ABTB3: variants seen among roughly 807,000 people sequenced by gnomAD.
ABTB3 encodes ankyrin repeat- and BTB/POZ domain-containing protein 3.
the ABTB3 span, among the ~76,000 whole-genome samples, chr12:107,385,035 G>T: frequency 6.6e-6 from 1 of 152,230 alleles, no homozygotes; most frequent in African/African-American, 2.4e-5. Context: ...CTAGGGCTTA[G>T]TTCAGCACTT....
chr12:107,390,612 CAG>C, the ABTB3 span, among the ~76,000 whole-genome samples: 1 of 152,162 alleles, frequency 6.6e-6, no homozygotes, highest in Non-Finnish European at 1.5e-5. Context: ...AGGGATAAGA[CAG>C]GTAAACAGGA....
the ABTB3 span, among the ~76,000 whole-genome samples, chr12:107,573,984 C>T: frequency 6.6e-6 from 1 of 152,188 alleles, no homozygotes; most frequent in Non-Finnish European, 1.5e-5. Flanking sequence ...CACAAGGTGT[C>T]TTTCTCGAGT....
At chr12:107,399,800 A>T in the ABTB3 span, among the ~76,000 whole-genome samples, 1 of 152,072 alleles carries the variant, frequency 6.6e-6, no homozygotes, top group Non-Finnish European at 1.5e-5. Flanking sequence ...TAAGCCCCAC[A>T]TGCATTAGGT....
the ABTB3 span, among the ~76,000 whole-genome samples, chr12:107,431,899 G>C: frequency 2.0e-5 from 3 of 152,204 alleles, no homozygotes; most frequent in African/African-American, 4.8e-5. Context: ...CTGGCCCATG[G>C]AACATGGGCC....
chr12:107,620,357 C>T, the ABTB3 span, among the ~76,000 whole-genome samples: 13 of 152,330 alleles, frequency 8.5e-5, 1 homozygote, highest in South Asian at 2.3e-3. Context: ...TGCTGAGCAT[C>T]CACATGAGCT....
chr12:107,469,938 CTTTCTCTTTCTTTCTTTCTT>C, the ABTB3 span, among the ~76,000 whole-genome samples: 1 of 90,810 alleles, frequency 1.1e-5, no homozygotes, highest in East Asian at 3.4e-4. Context: ...CTCTCTCTTT[CTTTCTCTTTCTTTCTTTCTT>C]TCTTTCTTTC....
At chr12:107,404,131 C>G in the ABTB3 span, among the ~76,000 whole-genome samples, 1 of 121,384 alleles carries the variant, frequency 8.2e-6, no homozygotes, top group East Asian at 2.5e-4. Context: ...CCACTGCATG[C>G]TAGCCTGGAT....
At chr12:107,609,878 AT>A in the ABTB3 span, among the ~76,000 whole-genome samples, 2 of 152,170 alleles carry the variant, frequency 1.3e-5, no homozygotes, top group East Asian at 3.8e-4. Flanking sequence ...TTATGTGGGG[AT>A]TCAATGAATT....
chr12:107,486,460 G>A, the ABTB3 span: 1 of 152,060 alleles, frequency 6.6e-6, no homozygotes, highest in Non-Finnish European at 1.5e-5. Context: ...TATAGAAAAA[G>A]TTGGCTGTTT....
chr12:107,408,211 A>G, the ABTB3 span, among the ~76,000 whole-genome samples: 1 of 152,210 alleles, frequency 6.6e-6, no homozygotes, highest in African/African-American at 2.4e-5. Flanking sequence ...TGCAATGCAC[A>G]TAAAGGAGAG....
the ABTB3 span, among the ~76,000 whole-genome samples, chr12:107,491,099 G>A: frequency 1.3e-5 from 2 of 151,968 alleles, no homozygotes; most frequent in Admixed American, 1.3e-4. Flanking sequence ...GGGCCTCTGT[G>A]GCTGAGGAAT....
At chr12:107,449,683 C>T in the ABTB3 span, among the ~76,000 whole-genome samples, 13 of 152,090 alleles carry the variant, frequency 8.5e-5, no homozygotes, top group Non-Finnish European at 1.6e-4. Context: ...TGGGGTCTCA[C>T]TGTTTGGTTC....
the ABTB3 span, among the ~76,000 whole-genome samples, chr12:107,342,513 CCTT>C: frequency 1.3e-5 from 2 of 152,112 alleles, no homozygotes; most frequent in African/African-American, 2.4e-5. Flanking sequence ...CCATGGTCAA[CCTT>C]CTTATCGGAG....
chr12:107,472,656 T>C, the ABTB3 span, among the ~76,000 whole-genome samples: 2 of 152,220 alleles, frequency 1.3e-5, no homozygotes, highest in Admixed American at 1.3e-4. Context: ...TAGTGAGTGA[T>C]GTACGAGCAT....
At chr12:107,528,188 T>A in the ABTB3 span, among the ~76,000 whole-genome samples, 1 of 152,112 alleles carries the variant, frequency 6.6e-6, no homozygotes, top group African/African-American at 2.4e-5. Flanking sequence ...TCTTGGGGGC[T>A]CCACAGATGA....
the ABTB3 span, among the ~76,000 whole-genome samples, chr12:107,449,116 C>T: frequency 6.6e-6 from 1 of 152,194 alleles, no homozygotes; most frequent in Non-Finnish European, 1.5e-5. Context: ...AGCCATGTGC[C>T]TGGGCCCTTG....
the ABTB3 span, among the ~76,000 whole-genome samples, chr12:107,387,144 A>C: frequency 2.0e-5 from 3 of 151,692 alleles, no homozygotes; most frequent in African/African-American, 7.3e-5. Flanking sequence ...CGCCCAGCTA[A>C]TTTTTGTATT....
chr12:107,481,910 T>TCTCTCTCTCTCTCTCC, the ABTB3 span, among the ~76,000 whole-genome samples: 1 of 151,042 alleles, frequency 6.6e-6, no homozygotes, highest in South Asian at 2.2e-4. Flanking sequence ...TCTCTCTCTC[T>TCTCTCTCTCTCTCTCC]CTCTCTCTCT....
the ABTB3 span, among the ~76,000 whole-genome samples, chr12:107,638,928 TGAAATGGACA>T: frequency 2.6e-5 from 4 of 152,194 alleles, no homozygotes. Context: ...TGAAAGGCTT[TGAAATGGACA>T]GACATGGATA....
Sources: gnomAD v4.1 joint callset for allele counts (sites outside exome capture counted in the v4.1 genomes callset) on GRCh38, gnomAD v4.1.1 for gene constraint, MANE v1.5 for transcripts, NCBI Gene and HGNC (gene_info 2026-07-23, HGNC 2026-07-21) for gene names.